The following GULP1 variants were observed in gnomAD, a reference collection of about 807,000 sequenced individuals.
GULP1 encodes GULP PTB domain containing engulfment adaptor 1, also known as PTB domain-containing engulfment adapter protein 1.
In GULP1, 19 loss-of-function variants were observed where a neutral mutation model predicts 40.9. The observed-to-expected ratio is 0.46, with a 90% CI of 0.32 to 0.68. The LOEUF (loss-of-function observed/expected upper bound fraction) is 0.68, where lower values mean the gene tolerates loss of function less well. Ranked by LOEUF, GULP1 falls within the 30% of genes least tolerant of loss-of-function variation. The probability of loss-of-function intolerance (pLI) is 0.03; values close to 1 mark genes in which losing one functional copy is unlikely to be tolerated. For synonymous variants in GULP1, 119 were observed against 117.6 expected (o/e 1.01, Z -0.08); for missense variants, 312 against 362.2 (o/e 0.86, Z 1.12).
chr2:188,430,810 C>T (rs1464870815), intron 2 of GULP1, among the ~76,000 whole-genome samples: 2 of 152,226 alleles, frequency 1.3e-5, no homozygotes, highest in East Asian at 3.9e-4. Context: ...TGAGAACCAG[C>T]CATAAAGAAA....
At chr2:188,486,689 G>A (rs905944571) in intron 4 of GULP1, among the ~76,000 whole-genome samples, 5 of 151,748 alleles carry the variant, frequency 3.3e-5, no homozygotes, top group African/African-American at 7.3e-5. Context: ...ATCATTTGTC[G>A]ATATAAAATA....
intron 3 of GULP1, among the ~76,000 whole-genome samples, chr2:188,478,002 G>T (rs982567546): frequency 6.6e-6 from 1 of 152,072 alleles, no homozygotes; most frequent in Non-Finnish European, 1.5e-5. Flanking sequence ...AAATTGCAAA[G>T]AATAAAATGA....
At chr2:188,520,527 T>TAAAA (rs754573431) in intron 4 of GULP1, among the ~76,000 whole-genome samples, 1 of 92,410 alleles carries the variant, frequency 1.1e-5, no homozygotes, top group Non-Finnish European at 2.2e-5. Context: ...AGACTCCATC[T>TAAAA]AAAAAAAAAA....
chr2:188,337,569 A>G (rs193060485), intron 1 of GULP1, among the ~76,000 whole-genome samples: 16 of 151,840 alleles, frequency 1.1e-4, no homozygotes, highest in African/African-American at 3.9e-4. Flanking sequence ...AAATCCGGTG[A>G]TGATAGTGGA....
intron 4 of GULP1, among the ~76,000 whole-genome samples, chr2:188,515,811 T>C (rs2065115520): frequency 6.6e-6 from 1 of 152,260 alleles, no homozygotes; most frequent in Admixed American, 6.5e-5. Context: ...GCTAGACTGA[T>C]AGTAAATACT....
chr2:188,550,664 A>G (rs185646683), intron 7 of GULP1, among the ~76,000 whole-genome samples: 1 of 151,770 alleles, frequency 6.6e-6, no homozygotes, highest in Admixed American at 6.6e-5. Context: ...TAGTACTAGA[A>G]GGAATCACTG....
chr2:188,541,748 A>G (rs72896833), intron 7 of GULP1: 3,031 of 224,038 alleles, frequency 0.014, 26 homozygotes, highest in East Asian at 0.022. Flanking sequence ...ACTCCAGGAA[A>G]TATGATCTAT....
chr2:188,424,994 A>G (rs185407764), intron 2 of GULP1, among the ~76,000 whole-genome samples: 38 of 152,068 alleles, frequency 2.5e-4, no homozygotes, highest in African/African-American at 7.7e-4. Flanking sequence ...ATTGGGAGTT[A>G]TATTTGGCTT....
intron 1 of GULP1, among the ~76,000 whole-genome samples, chr2:188,368,939 GTATATATATATATATATATATATATATA>G (rs56274020): frequency 8.1e-5 from 7 of 86,088 alleles, no homozygotes; most frequent in African/African-American, 1.6e-4. Context: ...ATATATGTGT[GTATATATATATATATATATATATATATA>G]TATATATATA....
intron 9 of GULP1, among the ~76,000 whole-genome samples, chr2:188,577,769 T>C (rs186503941): frequency 1.4e-3 from 212 of 152,204 alleles, no homozygotes; most frequent in African/African-American, 4.7e-3. Flanking sequence ...GATCTTCTGC[T>C]GTAAGTTCTA....
At chr2:188,588,158 T>C (rs139357898) in intron 11 of GULP1, 31 of 566,886 alleles carry the variant, frequency 5.5e-5, no homozygotes, top group Middle Eastern at 4.9e-4. Context: ...TTTTAAATGG[T>C]TCAATTTATA....
intron 1 of GULP1, among the ~76,000 whole-genome samples, chr2:188,298,517 A>G (rs1228700817): frequency 1.3e-5 from 2 of 152,166 alleles, no homozygotes; most frequent in Non-Finnish European, 2.9e-5. Context: ...ATAAAATAGC[A>G]TTGTTTTAGA....
intron 1 of GULP1, among the ~76,000 whole-genome samples, chr2:188,360,290 C>G (rs1205161914): frequency 6.6e-6 from 1 of 152,076 alleles, no homozygotes; most frequent in Non-Finnish European, 1.5e-5. Context: ...GCCTAAAAAT[C>G]TTCAATCACA....
chr2:188,581,895 G>A lies in GULP1; in HGVS notation c.610-2370G>A, dbSNP rs557329656. ...ATGTTTTGAGGATTAAATATAAAAT[G>A]TATGTTGTAATCCCTTTTGAAAATT... On this transcript the variant is annotated intron_variant, in intron 9 of 11. Coordinates refer to ENST00000409830, the MANE Select transcript of GULP1 (RefSeq NM_016315.4). Among the ~76,000 whole-genome samples, 9 of 152,210 alleles carry A rather than the reference G, an allele frequency of 5.9e-5. 1 individual carries two copies. Among genetic ancestry groups the A allele is most frequent in the African/African-American group, 1.9e-4 (8 of 41,536 alleles).
At chr2:188,559,160 C>A (rs1340812694) in intron 7 of GULP1, among the ~76,000 whole-genome samples, 1 of 152,148 alleles carries the variant, frequency 6.6e-6, no homozygotes, top group African/African-American at 2.4e-5. Flanking sequence ...GCCCCGAGGC[C>A]TAGGAGAAAA....
chr2:188,340,586 C>T (rs757550000), intron 1 of GULP1, among the ~76,000 whole-genome samples: 4 of 152,132 alleles, frequency 2.6e-5, no homozygotes, highest in Non-Finnish European at 4.4e-5. Flanking sequence ...GCTTTGCTGT[C>T]GTGGATGACT....
chr2:188,526,998 T>G (rs1686328659), intron 5 of GULP1, among the ~76,000 whole-genome samples: 1 of 152,136 alleles, frequency 6.6e-6, no homozygotes, highest in Non-Finnish European at 1.5e-5. Flanking sequence ...AAACCTAGAT[T>G]AGAGATGTTG....
intron 1 of GULP1, among the ~76,000 whole-genome samples, chr2:188,293,631 G>T (rs997892809): frequency 6.6e-6 from 1 of 152,176 alleles, no homozygotes; most frequent in African/African-American, 2.4e-5. Flanking sequence ...AAGTAGCCTT[G>T]GCTGGAAAAC....
At chr2:188,408,450 C>A (rs1391944550) in intron 2 of GULP1, among the ~76,000 whole-genome samples, 1 of 151,898 alleles carries the variant, frequency 6.6e-6, no homozygotes, top group African/African-American at 2.4e-5. Context: ...ACAAAGGGAC[C>A]AATTCATCAA....
Sources: allele counts gnomAD v4.1 joint callset (sites outside exome capture counted in the v4.1 genomes callset), GRCh38; gene constraint gnomAD v4.1.1; transcripts MANE v1.5; gene names NCBI Gene and HGNC (gene_info 2026-07-23, HGNC 2026-07-21).